ZNF655: variants seen among roughly 807,000 people sequenced by gnomAD.
The protein encoded by ZNF655 is Vav-interacting Kruppel-like protein 1.
Under a neutral mutation model 6.6 loss-of-function variants are expected in ZNF655, and 3 were observed. That is an observed-to-expected ratio of 0.46 (90% CI 0.21 to 1.18). The LOEUF (loss-of-function observed/expected upper bound fraction) is 1.18. Among genes scored for constraint, ZNF655 ranks in the 50% most tolerant of loss-of-function variants. The pLI, the probability that ZNF655 is intolerant of heterozygous loss-of-function variation, is 0.24. For missense variants in ZNF655, 526 were observed against 572.3 expected, an observed-to-expected ratio of 0.92 and a Z score of 0.83; for synonymous variants, 178 against 195.0, an observed-to-expected ratio of 0.91 and a Z score of 0.73.
At position 99,572,303 on chromosome 7, in the gene ZNF655, A is replaced by G. The variant is rs1338520294; in HGVS notation, c.195A>G (p.Glu65=). ...LLIPKQKISE[E]VHSYKVRVGR... Reference sequence around the variant, plus strand: ...TTCCTAAGCAGAAAATTTCGGAAGAAGTGCATTCATACAAAGTGAGAGTAG... The same window carrying G: ...TTCCTAAGCAGAAAATTTCGGAAGAGGTGCATTCATACAAAGTGAGAGTAG... The change falls in exon 3 of 3, where the codon GAA becomes GAG. Residue 65 remains glutamate (E), a synonymous_variant. Coordinates refer to ENST00000252713, the MANE Select transcript of ZNF655 (RefSeq NM_138494.3). 2 of 1,612,688 alleles carry G rather than the reference A, an allele frequency of 1.2e-6. No homozygotes were observed. Among genetic ancestry groups the G allele is most frequent in the Non-Finnish European group, 1.7e-6 (2 of 1,179,700 alleles).
Position 99,576,316 on chromosome 7 carries a change from G to C in ZNF655, c.*2732G>C, listed in dbSNP as rs1185589970. ...TGTATACCCTTATGTATAGAGACCAGTAGTCACGTATGGTGACTGAAACAG... is the reference window on the plus strand; with the variant it reads ...TGTATACCCTTATGTATAGAGACCACTAGTCACGTATGGTGACTGAAACAG... On this transcript the variant is annotated 3_prime_UTR_variant, in exon 3 of 3. Coordinates refer to ENST00000252713, the MANE Select transcript of ZNF655 (RefSeq NM_138494.3). 1 of 152,662 alleles carries C rather than the reference G, an allele frequency of 6.6e-6. No homozygotes were observed. Among genetic ancestry groups the C allele is most frequent in the African/African-American group, 2.4e-5 (1 of 41,464 alleles). 9.5% of individuals were successfully genotyped at this position (152,662 alleles called of 1,614,324 possible).
At chr7:99,563,843 TG>T in intron 2 of ZNF655, 1 of 1,597,730 alleles carries the variant, frequency 6.3e-7, no homozygotes, top group Non-Finnish European at 8.5e-7. Flanking sequence ...TTTCCATTCC[TG>T]GCTCTTTAAT....
In ZNF655 at chr7:99,572,567, A is replaced by G. The variant is rs1191748209; in HGVS notation, c.459A>G (p.Ile153Met). The G allele has an allele frequency of 1.2e-6, 2 of 1,613,988 alleles. No homozygotes were observed. Among genetic ancestry groups the G allele is most frequent in the Non-Finnish European group, 1.7e-6 (2 of 1,179,964 alleles). The change falls in exon 3 of 3, where the codon ATA becomes ATG. Residue 153 changes from isoleucine (I) to methionine (M), a missense_variant. Physicochemically the swap from Ile to Met is conservative, Grantham distance 10 (BLOSUM62 1). Transcript: ENST00000252713. ...ATGCAGATCAGAGAGTTCTTAGAAT[A>G]CAGAATACCGATGACAATGATAAGT... Reference protein sequence around the residue: ...TIDADQRVLRIQNTDDNDKYD... With the variant: ...TIDADQRVLRMQNTDDNDKYD...
chr7:99,573,847 A>C lies in ZNF655; in HGVS notation c.*263A>C, dbSNP rs1804254156. The C allele has an allele frequency of 4.8e-6, 2 of 414,978 alleles. No individual in the cohort carries two copies. Among genetic ancestry groups the C allele is most frequent in the South Asian group, 5.4e-5 (1 of 18,516 alleles). The allele number at this position is 414,978 out of a possible 1,614,324, so 25.7% of individuals were successfully genotyped here. On this transcript the variant is annotated 3_prime_UTR_variant, in exon 3 of 3. Coordinates refer to ENST00000252713, the MANE Select transcript of ZNF655 (RefSeq NM_138494.3). The stretch of plus-strand genomic sequence containing the variant: ...CTTACAAATGTATTGAATGTGGCAA[A>C]TTTTTCATGCTATTAGTATTTTCAT...
Position 99,573,163 on chromosome 7 carries a change from A to T in ZNF655, c.1055A>T (p.His352Leu). ...TSYLLEHQRVHHEEKAYEYDE... is the reference protein window; with the variant it reads ...TSYLLEHQRVLHEEKAYEYDE... ...TACCTACTTGAACATCAGAGGGTCC[A>T]TCATGAAGAGAAAGCCTATGAGTAT... The change falls in exon 3 of 3, where the codon CAT becomes CTT. Residue 352 changes from histidine to leucine, a missense_variant. By Grantham distance (99) the His-to-Leu change is moderately conservative. Coordinates refer to ENST00000252713, the MANE Select transcript of ZNF655 (RefSeq NM_138494.3). 6.2e-7 allele frequency: 1 copy of T among 1,614,174 alleles called. No homozygotes were observed. Among genetic ancestry groups the T allele is most frequent in the Non-Finnish European group, 8.5e-7 (1 of 1,180,004 alleles).
Position 99,573,218 on chromosome 7 carries a change from A to G in ZNF655, c.1110A>G (p.Gln370=). 3 of 1,614,172 alleles carry G rather than the reference A, an allele frequency of 1.9e-6. No homozygotes were observed. The highest frequency in any genetic ancestry group is 1.6e-4 in the Middle Eastern group (1 of 6,062). ...YDEYGLAYIK[Q]QGIHFREKPY... ...AATATGGGTTGGCCTATATTAAACA[A>G]CAAGGAATTCATTTCAGAGAAAAGC... The change falls in exon 3 of 3, where the codon CAA becomes CAG. Residue 370 remains glutamine, a synonymous_variant. Transcript: ENST00000252713.
intron 2 of ZNF655, among the ~76,000 whole-genome samples, chr7:99,566,021 ATG>A (rs34698828): frequency 2.0e-3 from 298 of 149,868 alleles, no homozygotes; most frequent in Middle Eastern, 6.8e-3. Context: ...GGACATTTAT[ATG>A]TGTGTGTGTG....
chr7:99,571,188 A>G, intron 2 of ZNF655: 1 of 1,241,546 alleles, frequency 8.1e-7, no homozygotes, highest in Non-Finnish European at 1.1e-6. Flanking sequence ...TCTTATGTGT[A>G]CTGAAACAAA....
chr7:99,571,164 A>G, intron 2 of ZNF655: 2 of 1,110,490 alleles, frequency 1.8e-6, no homozygotes, highest in Middle Eastern at 4.7e-4. Flanking sequence ...AATGTGTCAT[A>G]TTACTCTTTG....
At position 99,575,008 on chromosome 7, in the gene ZNF655, C is replaced by T. The variant is rs1368202935; in HGVS notation, c.*1424C>T. 1 of 152,586 alleles carries T rather than the reference C, an allele frequency of 6.6e-6. No homozygotes were observed. Among genetic ancestry groups the T allele is most frequent in the Non-Finnish European group, 1.5e-5 (1 of 68,046 alleles). 9.5% of individuals were successfully genotyped at this position (152,586 alleles called of 1,614,324 possible). ...AATATAAGTATGAAGGATTCTCTCT[C>T]CTGAGATTGTAGCAGGCAGCCAAAC... On this transcript the variant is annotated 3_prime_UTR_variant, in exon 3 of 3. Coordinates refer to ENST00000252713, the MANE Select transcript of ZNF655 (RefSeq NM_138494.3).
intron 2 of ZNF655, among the ~76,000 whole-genome samples, chr7:99,565,235 CT>C (rs1803533765): frequency 6.6e-6 from 1 of 151,754 alleles, no homozygotes; most frequent in African/African-American, 2.4e-5. Flanking sequence ...GTGGCACCAT[CT>C]CTGCTCACCG....
At chr7:99,567,784 G>C (rs542213918) in intron 2 of ZNF655, among the ~76,000 whole-genome samples, 1 of 151,846 alleles carries the variant, frequency 6.6e-6, no homozygotes, top group African/African-American at 2.4e-5. Flanking sequence ...GGCTTGTGTC[G>C]GGTGCGGTGG....
intron 2 of ZNF655, among the ~76,000 whole-genome samples, chr7:99,566,592 T>C (rs971485821): frequency 2.0e-5 from 3 of 152,158 alleles, no homozygotes; most frequent in Admixed American, 1.3e-4. Context: ...GGGTCCCCTC[T>C]TGTTGCCCAG....
chr7:99,560,343 C>T (rs1803023758), intron 1 of ZNF655, among the ~76,000 whole-genome samples, 190 bp from the exon 2 acceptor site: 2 of 152,158 alleles, frequency 1.3e-5, no homozygotes, highest in African/African-American at 4.8e-5. Context: ...CTCAGCCTCC[C>T]AAAGTGCTGG....
chr7:99,574,834 C>T lies in ZNF655; in HGVS notation c.*1250C>T, dbSNP rs765441405. ...TGATTAACTTCTCCATTCTCTTAAG[C>T]ACCTTTAGAAGATTTAGAAGTTTCC... On this transcript the variant is annotated 3_prime_UTR_variant, in exon 3 of 3. Coordinates refer to ENST00000252713, the MANE Select transcript of ZNF655 (RefSeq NM_138494.3). The T allele has an allele frequency of 2.0e-5, 3 of 152,158 alleles. No homozygotes were observed. Among genetic ancestry groups the T allele is most frequent in the African/African-American group, 4.8e-5 (2 of 41,428 alleles). 9.4% of individuals were successfully genotyped at this position (152,158 alleles called of 1,614,324 possible). A position where few individuals can be genotyped will look rare whatever the true frequency, so the allele number is the denominator to read the frequency against.
Position 99,573,742 on chromosome 7 carries a change from C to T in ZNF655, c.*158C>T. On this transcript the variant is annotated 3_prime_UTR_variant, in exon 3 of 3. Transcript: ENST00000252713. ...CAGATAATTCACACCAGAGAGAAAC[C>T]CTCTGAATGTGACGAATGAAGAAAA... is the stretch of plus-strand genomic sequence containing the variant. 1.2e-6 allele frequency: 1 copy of T among 821,684 alleles called. No individual in the cohort carries two copies. The highest frequency in any genetic ancestry group is 1.9e-6 in the Non-Finnish European group (1 of 535,602). 50.9% of individuals were successfully genotyped at this position (821,684 alleles called of 1,614,324 possible).
intron 2 of ZNF655, among the ~76,000 whole-genome samples, chr7:99,566,426 G>A (rs576541794): frequency 9.2e-5 from 14 of 152,152 alleles, no homozygotes; most frequent in Non-Finnish European, 2.1e-4. Context: ...AGTCCAACAG[G>A]TATCTACAAA....
chr7:99,563,355 G>T, intron 2 of ZNF655: 1 of 176,894 alleles, frequency 5.7e-6, no homozygotes. Context: ...TTTCACTCTT[G>T]TTGCCCAGGC....
At chr7:99,569,032 G>A (rs1334659753) in intron 2 of ZNF655, among the ~76,000 whole-genome samples, 1 of 152,216 alleles carries the variant, frequency 6.6e-6, no homozygotes, top group African/African-American at 2.4e-5. Context: ...TGATCTGTCC[G>A]TCATGGCCTC....
Sources: allele counts gnomAD v4.1 joint callset (sites outside exome capture counted in the v4.1 genomes callset), GRCh38; gene constraint gnomAD v4.1.1; transcripts MANE v1.5; gene names NCBI Gene and HGNC (gene_info 2026-07-23, HGNC 2026-07-21).